The following NOL4 variants were observed in gnomAD, a reference collection of about 807,000 sequenced individuals.
NOL4 encodes nucleolar protein 4.
Under a neutral mutation model 75.9 loss-of-function variants are expected in NOL4, and 17 were observed. The ratio of observed to expected loss-of-function variants is 0.22; its 90% confidence interval spans 0.15 to 0.34. NOL4 has a LOEUF of 0.34. NOL4 is among the 10% of genes least tolerant of loss of function. The pLI, the probability that NOL4 is intolerant of heterozygous loss-of-function variation, is 1.00. For missense variants in NOL4, 614 were observed against 793.5 expected (o/e 0.77, Z 2.72); for synonymous variants, 292 against 289.9 (o/e 1.01, Z -0.07).
intron 1 of NOL4, among the ~76,000 whole-genome samples, chr18:34,134,000 GC>G (rs2080778595): frequency 6.6e-6 from 1 of 152,110 alleles, no homozygotes; most frequent in African/African-American, 2.4e-5. Context: ...TCCAGCCCGA[GC>G]CACAGAGTGA....
intron 6 of NOL4, among the ~76,000 whole-genome samples, chr18:33,985,876 G>A (rs1052569591): frequency 4.6e-5 from 7 of 152,134 alleles, no homozygotes; most frequent in East Asian, 3.9e-4. Flanking sequence ...GACTTGAGCC[G>A]AGAGTAATCA....
chr18:33,900,876 A>G (rs1468639081), intron 9 of NOL4, among the ~76,000 whole-genome samples: 1 of 152,148 alleles, frequency 6.6e-6, no homozygotes, highest in African/African-American at 2.4e-5. Flanking sequence ...AGGTAAAAAC[A>G]ATTGGATCTT....
chr18:33,985,424 G>T (rs2072353438), intron 6 of NOL4, among the ~76,000 whole-genome samples: 1 of 152,052 alleles, frequency 6.6e-6, no homozygotes, highest in Admixed American at 6.6e-5. Context: ...ATGTTATCAA[G>T]TATTTCACAT....
At chr18:33,957,128 TTA>T (rs1195579654) in intron 8 of NOL4, among the ~76,000 whole-genome samples, 196 bp downstream of exon 8, 1 of 151,738 alleles carries the variant, frequency 6.6e-6, no homozygotes, top group African/African-American at 2.4e-5. Flanking sequence ...ATATTCCTTA[TTA>T]AATAAACAAA....
chr18:33,962,396 T>C (rs2070217348), intron 6 of NOL4, among the ~76,000 whole-genome samples: 1 of 152,202 alleles, frequency 6.6e-6, no homozygotes, highest in East Asian at 1.9e-4. Context: ...ACTATCTTTG[T>C]AAGCAGCAGG....
intron 9 of NOL4, among the ~76,000 whole-genome samples, chr18:33,900,893 T>C (rs1245642581): frequency 3.3e-5 from 5 of 152,138 alleles, no homozygotes; most frequent in Non-Finnish European, 5.9e-5. Context: ...TCTTGGCTTG[T>C]GTGTGTATAT....
chr18:33,885,055 A>G (rs1317485570), intron 9 of NOL4, among the ~76,000 whole-genome samples: 2 of 152,110 alleles, frequency 1.3e-5, no homozygotes, highest in Non-Finnish European at 2.9e-5. Context: ...AAATATCTCA[A>G]AGCAAATTGA....
rs1478621055 is a variant in NOL4 at position 33,851,954 on chromosome 18, G to A, written c.*888C>T. Reference sequence around the variant, plus strand: ...CCAGGTGCTGCTAGAGGGATGCCTGGAGACAGCAGCGGCAATCAGGAACGA... The same window carrying A: ...CCAGGTGCTGCTAGAGGGATGCCTGAAGACAGCAGCGGCAATCAGGAACGA... On this transcript the variant is annotated 3_prime_UTR_variant, in exon 11 of 11. Transcript: ENST00000261592. 1 of 152,400 alleles carries A rather than the reference G, an allele frequency of 6.6e-6. No homozygotes were observed. Among genetic ancestry groups the A allele is most frequent in the Non-Finnish European group, 1.5e-5 (1 of 67,990 alleles). 9.4% of individuals were successfully genotyped at this position (152,400 alleles called of 1,614,324 possible). A position where few individuals can be genotyped will look rare whatever the true frequency, so the allele number is the denominator to read the frequency against.
At chr18:34,006,109 G>A (rs2074013151) in intron 6 of NOL4, among the ~76,000 whole-genome samples, 1 of 151,938 alleles carries the variant, frequency 6.6e-6, no homozygotes, top group East Asian at 1.9e-4. Flanking sequence ...CAATTTTATA[G>A]CTCTCAGTCT....
chr18:34,180,460 C>G (rs1332589717), intron 1 of NOL4, among the ~76,000 whole-genome samples: 1 of 151,376 alleles, frequency 6.6e-6, no homozygotes, highest in Non-Finnish European at 1.5e-5. Context: ...GCTCAACAAA[C>G]TGGGGACTTA....
intron 5 of NOL4, among the ~76,000 whole-genome samples, chr18:34,039,008 A>C (rs1180879028): frequency 6.6e-6 from 1 of 152,024 alleles, no homozygotes. Context: ...TACAAATATC[A>C]CATAAGTATG....
intron 6 of NOL4, among the ~76,000 whole-genome samples, chr18:33,977,734 CTTAAA>C (rs1461508895): frequency 6.6e-6 from 1 of 152,074 alleles, no homozygotes; most frequent in Admixed American, 6.5e-5. Context: ...TAAATATATT[CTTAAA>C]TTAAATTATA....
chr18:33,897,942 C>A (rs2065512524), intron 9 of NOL4, among the ~76,000 whole-genome samples: 1 of 151,954 alleles, frequency 6.6e-6, no homozygotes, highest in Admixed American at 6.6e-5. Flanking sequence ...GAGACAGGAT[C>A]TCACTCCATC....
intron 5 of NOL4, among the ~76,000 whole-genome samples, chr18:34,026,186 C>A (rs936062791): frequency 6.6e-6 from 1 of 152,092 alleles, no homozygotes; most frequent in South Asian, 2.1e-4. Flanking sequence ...GGTTTTCTTG[C>A]CTAGTGCCTT....
At chr18:34,160,283 T>C (rs971383089) in intron 1 of NOL4, among the ~76,000 whole-genome samples, 1 of 152,170 alleles carries the variant, frequency 6.6e-6, no homozygotes, top group African/African-American at 2.4e-5. Flanking sequence ...GTATACAAAA[T>C]GGACCTATCC....
chr18:34,155,872 A>T (rs1253160159), intron 1 of NOL4, among the ~76,000 whole-genome samples: 1 of 152,158 alleles, frequency 6.6e-6, no homozygotes, highest in Admixed American at 6.6e-5. Flanking sequence ...ATGATTAAAA[A>T]CTTCATATCC....
chr18:34,025,666 G>A (rs917546531), intron 5 of NOL4, among the ~76,000 whole-genome samples: 3 of 152,126 alleles, frequency 2.0e-5, no homozygotes, highest in Non-Finnish European at 2.9e-5. Context: ...TTCCCTCACA[G>A]AAAAATGTTA....
At position 33,953,834 on chromosome 18, in the gene NOL4, A is replaced by C. The variant is rs1372213601; in HGVS notation, c.1428+3492T>G. Among the ~76,000 whole-genome samples the C allele has an allele frequency of 2.6e-5, 4 of 152,294 alleles. No individual in the cohort carries two copies. The East Asian group carries it at 7.7e-4, about 29-fold the overall frequency. On this transcript the variant is annotated intron_variant, in intron 8 of 10. Transcript: ENST00000261592. ...TAGGACACTGTACACAAGGACAGAC[A>C]TTTGTAATTGTGGTTAGGGTGATAT... is the stretch of plus-strand genomic sequence containing the variant.
In NOL4 at chr18:34,003,692, C is replaced by T. The variant is rs986105664; in HGVS notation, c.1056+15626G>A. On this transcript the variant is annotated intron_variant, in intron 6 of 10. Coordinates refer to ENST00000261592, the MANE Select transcript of NOL4 (RefSeq NM_003787.5). ...AGGATGCCCTAGTGCCCATCATTCT[C>T]ATACACACTTCACACTCTCCTGTTC... 5.9e-5 allele frequency among the ~76,000 whole-genome samples: 9 copies of T among 152,068 alleles called. No homozygotes were observed. In the East Asian group the frequency reaches 1.7e-3, roughly 29 times the overall value.
Sources: gnomAD v4.1 joint callset for allele counts (sites outside exome capture counted in the v4.1 genomes callset) on GRCh38, gnomAD v4.1.1 for gene constraint, MANE v1.5 for transcripts, NCBI Gene and HGNC (gene_info 2026-07-23, HGNC 2026-07-21) for gene names.